Variants in F2R observed in about 807,000 individuals in gnomAD.
F2R encodes the protein proteinase-activated receptor 1.
F2R carries 12 observed loss-of-function variants against 18.3 expected under a neutral mutation model. The observed-to-expected ratio is 0.66, with a 90% CI of 0.42 to 1.06. The LOEUF is 1.06. Ranked by LOEUF, F2R falls within the 50% of genes least tolerant of loss-of-function variation. F2R has a pLI of 0.00. For synonymous variants in F2R, 210 were observed against 219.9 expected (o/e 0.95, Z 0.40); for missense variants, 438 against 530.8 (o/e 0.83, Z 1.72).
Position 76,733,309 on chromosome 5 carries a change from A to T in F2R, c.1084A>T (p.Ile362Leu). Residue 362 changes from isoleucine (I) to leucine (L), a missense_variant, in exon 2 of 2, where the codon ATA (isoleucine) becomes TTA (leucine). By Grantham distance (5) the Ile-to-Leu change is conservative. Coordinates refer to ENST00000319211, the MANE Select transcript of F2R (RefSeq NM_001992.5). The part of the protein sequence containing the change: ...AYLLCVCVSS[I>L]SCCIDPLIYY... ...CCTCCTCTGTGTCTGTGTCAGCAGC[A>T]TAAGCTGCTGCATCGACCCCCTAAT... is the stretch of plus-strand genomic sequence containing the variant. The T allele has an allele frequency of 6.2e-7, 1 of 1,614,190 alleles. No homozygotes were observed. The highest frequency in any genetic ancestry group is 8.5e-7 in the Non-Finnish European group (1 of 1,180,032).
At chr5:76,716,645 A>T in intron 1 of F2R, 1 of 743,634 alleles carries the variant, frequency 1.3e-6, no homozygotes, top group Non-Finnish European at 2.4e-6. Flanking sequence ...GGTGTTGGAT[A>T]TGGAGGAGGA....
intron 1 of F2R, among the ~76,000 whole-genome samples, chr5:76,723,927 A>G (rs1748512304): frequency 6.6e-6 from 1 of 152,202 alleles, no homozygotes; most frequent in South Asian, 2.1e-4. Flanking sequence ...CAACTGTATA[A>G]TTTTAAAGCA....
Position 76,732,951 on chromosome 5 carries a change from AAC to A in F2R, c.727_728del (p.Thr243HisfsTer13). ...TAGTGCCTCTGCTCCTCAAGGAGCAAACCATCCAGGTGCCCGGGCTCAACATC... is the reference window on the plus strand; with the variant it reads ...TAGTGCCTCTGCTCCTCAAGGAGCAACATCCAGGTGCCCGGGCTCAACATC... ...GVVPLLLKEQTIQVPGLNITT... is the reference protein window; with the variant it reads ...GVVPLLLKEQXIQVPGLNITT... On this transcript the variant is annotated frameshift_variant, in exon 2 of 2. Transcript: ENST00000319211. LOFTEE classifies it high-confidence loss of function. 1 of 1,614,084 alleles carries A rather than the reference AAC, an allele frequency of 6.2e-7. No individual in the cohort carries two copies. Among genetic ancestry groups the A allele is most frequent in the Non-Finnish European group, 8.5e-7 (1 of 1,180,020 alleles).
In F2R at chr5:76,716,164, A is replaced by T; in HGVS notation, c.-144A>T. ...ACAGCGCTCGCCGAGGGTCGCTTGGACCCTGATCTTACCCGTGGGCACCCT... is the reference window on the plus strand; with the variant it reads ...ACAGCGCTCGCCGAGGGTCGCTTGGTCCCTGATCTTACCCGTGGGCACCCT... On this transcript the variant is annotated 5_prime_UTR_variant, in exon 1 of 2. Coordinates refer to ENST00000319211, the MANE Select transcript of F2R (RefSeq NM_001992.5). The T allele has an allele frequency of 2.0e-6, 1 of 506,636 alleles. No individual in the cohort carries two copies. Among genetic ancestry groups the T allele is most frequent in the East Asian group, 3.9e-5 (1 of 25,368 alleles). The allele number at this position is 506,636 out of a possible 1,614,324, so 31.4% of individuals were successfully genotyped here. A position where few individuals can be genotyped will look rare whatever the true frequency, so the allele number is the denominator to read the frequency against.
intron 1 of F2R, among the ~76,000 whole-genome samples, chr5:76,722,479 T>G (rs551681889): frequency 2.6e-5 from 4 of 152,258 alleles, no homozygotes; most frequent in Non-Finnish European, 5.9e-5. Flanking sequence ...TTATGTAGTC[T>G]TCATGCCTGC....
intron 1 of F2R, among the ~76,000 whole-genome samples, chr5:76,729,772 C>T (rs1748635821): frequency 6.6e-6 from 1 of 152,174 alleles, no homozygotes; most frequent in African/African-American, 2.4e-5. Context: ...TCTATGTCCC[C>T]ACCCAAATCT....
At chr5:76,716,527 T>C (rs569560013) in intron 1 of F2R, 132 bp downstream of exon 1, 1 of 852,006 alleles carries the variant, frequency 1.2e-6, no homozygotes, top group South Asian at 1.9e-5. Flanking sequence ...TGGGCTGAGA[T>C]CTGGAGTTTT....
chr5:76,727,681 T>G (rs1413537537), intron 1 of F2R, among the ~76,000 whole-genome samples: 1 of 152,236 alleles, frequency 6.6e-6, no homozygotes, highest in East Asian at 1.9e-4. Flanking sequence ...ATATTGTATT[T>G]TATTTTCTAT....
In F2R at chr5:76,733,194, C is replaced by T. The variant is rs1748710173; in HGVS notation, c.969C>T (p.Ile323=). 2 of 1,614,184 alleles carry T rather than the reference C, an allele frequency of 1.2e-6. No individual in the cohort carries two copies. The highest frequency in any genetic ancestry group is 8.5e-7 in the Non-Finnish European group (1 of 1,180,030). ...CAGCTGCTGTTTTCTGCATCTTCAT[C>T]ATTTGCTTCGGACCCACAAACGTCC... ...FLSAAVFCIF[I]ICFGPTNVLL... The change falls in exon 2 of 2, where the codon ATC becomes ATT. Residue 323 remains isoleucine, a synonymous_variant. Transcript: ENST00000319211.
At chr5:76,722,822 A>T (rs1196871832) in intron 1 of F2R, among the ~76,000 whole-genome samples, 1 of 152,080 alleles carries the variant, frequency 6.6e-6, no homozygotes, top group East Asian at 1.9e-4. Context: ...ATGGTGGTGC[A>T]CAACTGTCAT....
rs772339992 is a variant in F2R at position 76,732,852 on chromosome 5, G to A, written c.627G>A (p.Gln209=). 1.2e-6 allele frequency: 2 copies of A among 1,614,138 alleles called. No homozygotes were observed. Among genetic ancestry groups the A allele is most frequent in the Non-Finnish European group, 1.7e-6 (2 of 1,180,042 alleles). Residue 209 remains glutamine (Q), a synonymous_variant, in exon 2 of 2, where the codon CAG becomes CAA. Coordinates refer to ENST00000319211, the MANE Select transcript of F2R (RefSeq NM_001992.5). ...TTCTGGCTGTGGTGTATCCCATGCA[G>A]TCCCTCTCCTGGCGTACTCTGGGAA... ...DRFLAVVYPM[Q]SLSWRTLGRA...
intron 1 of F2R, among the ~76,000 whole-genome samples, chr5:76,720,782 G>T (rs1315899921): frequency 6.6e-6 from 1 of 152,062 alleles, no homozygotes; most frequent in Non-Finnish European, 1.5e-5. Flanking sequence ...AGTGTCTGGG[G>T]AACTTAACTT....
chr5:76,729,022 G>A (rs1041986623), intron 1 of F2R, among the ~76,000 whole-genome samples: 2 of 152,136 alleles, frequency 1.3e-5, no homozygotes, highest in Non-Finnish European at 2.9e-5. Context: ...TTGGATGTAT[G>A]CCCAGCAGTG....
At chr5:76,722,872 A>G (rs1026639864) in intron 1 of F2R, among the ~76,000 whole-genome samples, 1 of 151,578 alleles carries the variant, frequency 6.6e-6, no homozygotes, top group Non-Finnish European at 1.5e-5. Context: ...AATCTCTTGA[A>G]CCCAGGAGGC....
At position 76,733,416 on chromosome 5, in the gene F2R, T is replaced by C. The variant is rs771796622; in HGVS notation, c.1191T>C (p.Tyr397=). 1.9e-6 allele frequency: 3 copies of C among 1,614,204 alleles called. No individual in the cohort carries two copies. The highest frequency in any genetic ancestry group is 2.2e-5 in the South Asian group (2 of 91,090). Residue 397 remains tyrosine, a synonymous_variant, in exon 2 of 2, where the codon TAT becomes TAC. Transcript: ENST00000319211. ...CCKESSDPSS[Y]NSSGQLMASK... is the part of the protein sequence containing the mutation. ...AAGAAAGTTCCGATCCCAGCAGTTA[T>C]AACAGCAGTGGGCAGTTGATGGCAA...
intron 1 of F2R, among the ~76,000 whole-genome samples, chr5:76,727,966 T>G (rs1748601763): frequency 6.6e-6 from 1 of 151,370 alleles, no homozygotes; most frequent in South Asian, 2.1e-4. Flanking sequence ...TACCTCACTG[T>G]AGCCTCGATC....
chr5:76,717,275 G>A (rs1460415961), intron 1 of F2R, among the ~76,000 whole-genome samples: 1 of 152,202 alleles, frequency 6.6e-6, no homozygotes, highest in Non-Finnish European at 1.5e-5. Flanking sequence ...CTTTCCCCAA[G>A]AGCAGCACAG....
chr5:76,733,053 T>TA lies in F2R; in HGVS notation c.828_829insA (p.Val277SerfsTer22). ...CCTACTACTTCTCAGCCTTCTCTGC[T>TA]GTCTTCTTTTTTGTGCCGCTGATCA... On this transcript the variant is annotated frameshift_variant, in exon 2 of 2. Transcript: ENST00000319211. LOFTEE classifies it high-confidence loss of function. The TA allele has an allele frequency of 3.1e-6, 5 of 1,614,196 alleles. No homozygotes were observed. The South Asian group carries it at 5.5e-5, about 18-fold the overall frequency.
At chr5:76,729,398 G>C (rs1396074500) in intron 1 of F2R, among the ~76,000 whole-genome samples, 2 of 152,036 alleles carry the variant, frequency 1.3e-5, no homozygotes, top group Non-Finnish European at 2.9e-5. Flanking sequence ...TATATATTTT[G>C]GATATTAACC....
Sources: gnomAD v4.1 joint callset for allele counts (sites outside exome capture counted in the v4.1 genomes callset) on GRCh38, gnomAD v4.1.1 for gene constraint, MANE v1.5 for transcripts, NCBI Gene and HGNC (gene_info 2026-07-23, HGNC 2026-07-21) for gene names.